The following IRAK3 variants were observed in gnomAD, a reference collection of about 807,000 sequenced individuals.
IRAK3 encodes interleukin-1 receptor-associated kinase 3.
IRAK3 carries 57 observed loss-of-function variants against 56.6 expected under a neutral mutation model. The ratio of observed to expected loss-of-function variants is 1.01; its 90% CI spans 0.81 to 1.26. IRAK3 has a LOEUF of 1.26. Among genes scored for constraint, IRAK3 ranks in the 50% most tolerant of loss-of-function variants. The pLI is 0.00. For missense variants in IRAK3, 703 were observed against 719.0 expected (o/e 0.98, Z 0.25); for synonymous variants, 258 against 255.7 (o/e 1.01, Z -0.09).
intron 8 of IRAK3, among the ~76,000 whole-genome samples, chr12:66,243,031 G>A (rs973006607): frequency 8.6e-5 from 13 of 151,386 alleles, no homozygotes; most frequent in Admixed American, 1.3e-4. Flanking sequence ...GTGCCAATGC[G>A]CTCCAGCCTG....
At chr12:66,247,103 C>T (rs1423346509) in intron 11 of IRAK3, among the ~76,000 whole-genome samples, 2 of 152,090 alleles carry the variant, frequency 1.3e-5, no homozygotes, top group East Asian at 1.9e-4. Context: ...AACCCCATCT[C>T]TACTAAAAAT....
At chr12:66,208,342 CA>C (rs1377052505) in intron 2 of IRAK3, among the ~76,000 whole-genome samples, 1 of 115,142 alleles carries the variant, frequency 8.7e-6, no homozygotes, top group Admixed American at 7.5e-5. Context: ...CACACACACA[CA>C]AACACACACA....
At chr12:66,216,284 T>C (rs1043590486) in intron 5 of IRAK3, among the ~76,000 whole-genome samples, 1 of 152,096 alleles carries the variant, frequency 6.6e-6, no homozygotes, top group Non-Finnish European at 1.5e-5. Context: ...AGGACAATGG[T>C]CTTGTAAAAT....
At chr12:66,239,479 G>T (rs912160442) in intron 8 of IRAK3, among the ~76,000 whole-genome samples, 1 of 152,074 alleles carries the variant, frequency 6.6e-6, no homozygotes, top group Admixed American at 6.6e-5. Context: ...GGCTCCTCCT[G>T]CCTTTATCCC....
chr12:66,248,041 T>G lies in IRAK3; in HGVS notation c.1661T>G (p.Leu554Ter), dbSNP rs374349371. The part of the protein sequence containing the change: ...FPKYIVPSQD[L>*]RPYKVNIDPS... Reference sequence around the variant, plus strand: ...AAGTATATAGTTCCATCCCAGGACTTAAGGCCCTATAAGGTAAATATAGAT... The same window carrying G: ...AAGTATATAGTTCCATCCCAGGACTGAAGGCCCTATAAGGTAAATATAGAT... Residue 554 changes from leucine to a stop codon, truncating the protein, a stop_gained, in exon 12 of 12, where the codon TTA becomes TGA. Transcript: ENST00000261233. LOFTEE classifies it low-confidence loss of function (END_TRUNC). 1 of 1,582,476 alleles carries G rather than the reference T, an allele frequency of 6.3e-7. No individual in the cohort carries two copies. The highest frequency in any genetic ancestry group is 8.6e-7 in the Non-Finnish European group (1 of 1,167,418).
intron 6 of IRAK3, among the ~76,000 whole-genome samples, chr12:66,224,554 A>G (rs1347636795): frequency 6.6e-6 from 1 of 152,198 alleles, no homozygotes; most frequent in Non-Finnish European, 1.5e-5. Flanking sequence ...CTTAAACAGA[A>G]TTGTAAACTC....
chr12:66,221,964 G>A (rs1226724366), intron 6 of IRAK3, among the ~76,000 whole-genome samples: 4 of 152,194 alleles, frequency 2.6e-5, no homozygotes, highest in Non-Finnish European at 5.9e-5. Flanking sequence ...GGGAGGCGGA[G>A]GTTGCAGTGG....
chr12:66,249,675 T>C lies in IRAK3; in HGVS notation c.*1504T>C, dbSNP rs2053076216. 1 of 152,690 alleles carries C rather than the reference T, an allele frequency of 6.5e-6. No homozygotes were observed. The highest frequency in any genetic ancestry group is 1.5e-5 in the Non-Finnish European group (1 of 68,070). 9.5% of individuals were successfully genotyped at this position (152,690 alleles called of 1,614,324 possible). A position where few individuals can be genotyped will look rare whatever the true frequency, so the allele number is the denominator to read the frequency against. On this transcript the variant is annotated 3_prime_UTR_variant, in exon 12 of 12. Coordinates refer to ENST00000261233, the MANE Select transcript of IRAK3 (RefSeq NM_007199.3). ...CTAGAGGCCACCTGCCTTCTTTGGC[T>C]CATGGCCTCTTCCTCCGTCTTCAAA...
intron 1 of IRAK3, chr12:66,196,857 C>T (rs2052458537): frequency 1.4e-6 from 2 of 1,472,010 alleles, no homozygotes; most frequent in Non-Finnish European, 8.9e-7. Context: ...AAGAAAGAGA[C>T]ATCTTTCCTT....
intron 8 of IRAK3, among the ~76,000 whole-genome samples, chr12:66,239,768 G>C (rs1166643974): frequency 6.6e-6 from 1 of 151,948 alleles, no homozygotes; most frequent in African/African-American, 2.4e-5. Context: ...AATTAAATAT[G>C]ACATAAATTA....
At chr12:66,229,727 G>A (rs2052824769) in intron 8 of IRAK3, among the ~76,000 whole-genome samples, 1 of 152,098 alleles carries the variant, frequency 6.6e-6, no homozygotes, top group South Asian at 2.1e-4. Flanking sequence ...TTATCCGTTG[G>A]AATTGCTTTC....
At chr12:66,214,074 A>C (rs2052640340) in intron 5 of IRAK3, among the ~76,000 whole-genome samples, 1 of 152,144 alleles carries the variant, frequency 6.6e-6, no homozygotes, top group South Asian at 2.1e-4. Flanking sequence ...GGGTGTAGGG[A>C]AGATGGTGAG....
chr12:66,211,743 A>C (rs1592584036), intron 5 of IRAK3, 146 bp downstream of exon 5: 1 of 694,310 alleles, frequency 1.4e-6, no homozygotes, highest in East Asian at 2.8e-5. Flanking sequence ...ATTTCAGATG[A>C]CTGGAGAAGT....
intron 1 of IRAK3, among the ~76,000 whole-genome samples, chr12:66,198,705 T>A (rs1363244071): frequency 6.6e-6 from 1 of 151,928 alleles, no homozygotes; most frequent in African/African-American, 2.4e-5. Flanking sequence ...ACAGGATGCC[T>A]AATACTATGT....
chr12:66,232,693 T>C (rs921600267), intron 8 of IRAK3, among the ~76,000 whole-genome samples: 2 of 152,168 alleles, frequency 1.3e-5, no homozygotes, highest in Admixed American at 6.5e-5. Context: ...CTCAGTGCTT[T>C]TAGGACTGAG....
rs1467635386 is a variant in IRAK3 at position 66,226,742 on chromosome 12, C to T, written c.673C>T (p.Leu225=). 3 of 1,603,146 alleles carry T rather than the reference C, an allele frequency of 1.9e-6. No individual in the cohort carries two copies. Among genetic ancestry groups the T allele is most frequent in the Non-Finnish European group, 2.6e-6 (3 of 1,169,968 alleles). The change falls in exon 7 of 12, where the codon CTA becomes TTA. Residue 225 remains leucine (L), a synonymous_variant. Transcript: ENST00000261233. ...VLLLFHHPNI[L]ELAAYFTETE... is the part of the protein sequence containing the mutation. Reference sequence around the variant, plus strand: ...TTCAAGGTTTCATCACCCAAACATACTAGAGTTGGCTGCATATTTTACAGA... The same window carrying T: ...TTCAAGGTTTCATCACCCAAACATATTAGAGTTGGCTGCATATTTTACAGA...
At chr12:66,214,710 A>T (rs1183647944) in intron 5 of IRAK3, among the ~76,000 whole-genome samples, 1 of 152,210 alleles carries the variant, frequency 6.6e-6, no homozygotes, top group Non-Finnish European at 1.5e-5. Context: ...ATGAGCCTTT[A>T]AAAAAATTGA....
chr12:66,213,278 C>T (rs1477714477), intron 5 of IRAK3, among the ~76,000 whole-genome samples: 2 of 152,166 alleles, frequency 1.3e-5, no homozygotes, highest in East Asian at 3.9e-4. Flanking sequence ...ATTCAATTAA[C>T]TCCCACTGGG....
At chr12:66,217,081 A>G in intron 5 of IRAK3, 90 bp from the exon 6 acceptor site, 1 of 907,986 alleles carries the variant, frequency 1.1e-6, no homozygotes, top group Non-Finnish European at 1.8e-6. Context: ...CAAAAAGTTC[A>G]TCTAATTTAG....
Sources: gnomAD v4.1 joint callset for allele counts (sites outside exome capture counted in the v4.1 genomes callset) on GRCh38, gnomAD v4.1.1 for gene constraint, MANE v1.5 for transcripts, NCBI Gene and HGNC (gene_info 2026-07-23, HGNC 2026-07-21) for gene names.